The following STXBP5 variants were observed in gnomAD, a reference collection of about 807,000 sequenced individuals.
The protein encoded by STXBP5 is syntaxin-binding protein 5.
A neutral mutation model predicts 152.4 loss-of-function variants in STXBP5; 50 were observed. The observed-to-expected ratio is 0.33, with a 90% confidence interval of 0.26 to 0.42. The LOEUF is 0.42. Among genes scored for constraint, STXBP5 ranks in the 10% least tolerant of loss-of-function variants. The probability of loss-of-function intolerance (pLI) is 1.00; values close to 1 mark genes in which losing one functional copy is unlikely to be tolerated. For synonymous variants in STXBP5, 492 were observed against 494.7 expected, an observed-to-expected ratio of 0.99 and a Z score of 0.07; for missense variants, 1,167 against 1,388.6, an observed-to-expected ratio of 0.84 and a Z score of 2.54.
At chr6:147,311,624 T>A in intron 11 of STXBP5, 97 bp downstream of exon 11, 2 of 894,396 alleles carry the variant, frequency 2.2e-6, no homozygotes, top group Non-Finnish European at 1.7e-6. Flanking sequence ...TTGAAAACTC[T>A]ACATTTATAT....
rs1786464441 is a variant in STXBP5 at position 147,388,931 on chromosome 6, G to A, written c.*4176G>A. The A allele has an allele frequency of 6.6e-6, 1 of 151,358 alleles. No individual in the cohort carries two copies. The highest frequency in any genetic ancestry group is 2.4e-5 in the African/African-American group (1 of 41,348). 9.4% of individuals were successfully genotyped at this position (151,358 alleles called of 1,614,324 possible). A position where few individuals can be genotyped will look rare whatever the true frequency, so the allele number is the denominator to read the frequency against. ...TGTCAATGAAGGTTTTTATTTTGTA[G>A]TTTATAGAATTTGTTCCTTATCAGT... On this transcript the variant is annotated 3_prime_UTR_variant, in exon 28 of 28. Transcript: ENST00000321680.
rs193071957 is a variant in STXBP5 at position 147,362,116 on chromosome 6, A to G, written c.2546-1219A>G. On this transcript the variant is annotated intron_variant, in intron 23 of 27. Transcript: ENST00000321680. ...TTGGGACATACTTATACTAAAAAGT[A>G]TTCATTGTTTATCTGAAATTCAAAT... Among the ~76,000 whole-genome samples the G allele has an allele frequency of 5.9e-5, 9 of 152,308 alleles. No individual in the cohort carries two copies. In the East Asian group the frequency reaches 1.7e-3, roughly 29 times the overall value.
At chr6:147,300,843 A>G (rs1781773519) in intron 9 of STXBP5, among the ~76,000 whole-genome samples, 1 of 152,130 alleles carries the variant, frequency 6.6e-6, no homozygotes, top group Admixed American at 6.6e-5. Flanking sequence ...AGAGCAAAGG[A>G]AACAGTCAAC....
intron 26 of STXBP5, among the ~76,000 whole-genome samples, chr6:147,380,869 A>T (rs980850929): frequency 1.3e-5 from 2 of 152,166 alleles, no homozygotes; most frequent in Non-Finnish European, 2.9e-5. Flanking sequence ...GTATTAGTCT[A>T]TTCTCATGCT....
In STXBP5 at chr6:147,384,836, G is replaced by A. The variant is rs898904209; in HGVS notation, c.*81G>A. On this transcript the variant is annotated 3_prime_UTR_variant, in exon 28 of 28. Transcript: ENST00000321680. ...TATTACATTCTTTAGGAAAGTTAAC[G>A]TTAAAGGGATGTTCGTCACTGAATA... The A allele has an allele frequency of 1.9e-5, 26 of 1,369,812 alleles. No individual in the cohort carries two copies. Among genetic ancestry groups the A allele is most frequent in the Middle Eastern group, 1.8e-4 (1 of 5,500 alleles). 84.9% of individuals were successfully genotyped at this position (1,369,812 alleles called of 1,614,324 possible).
In STXBP5 at chr6:147,327,276, G is replaced by A; in HGVS notation, c.2080G>A (p.Ala694Thr). Residue 694 changes from alanine (A) to threonine (T), a missense_variant and splice_region_variant, in exon 18 of 28, where the codon GCC becomes ACC. Physicochemically the swap from Ala to Thr is moderately conservative, Grantham distance 58. Around this residue, in one of 3 missense-constraint regions of STXBP5, gnomAD observed 833 missense variants for 986.3 expected, o/e 0.84. Transcript: ENST00000321680. The stretch of plus-strand genomic sequence containing the variant: ...TCGTAAATCTCGACAGCCTTCAGGA[G>A]GTAAAAAGAAAAGAAAAGAAAATTC... ...SPRKSRQPSG[A>T]GLCDISEGTV... 6.3e-7 allele frequency: 1 copy of A among 1,593,560 alleles called. No individual in the cohort carries two copies. The highest frequency in any genetic ancestry group is 8.5e-7 in the Non-Finnish European group (1 of 1,174,850).
chr6:147,325,262 C>T (rs562241525), intron 17 of STXBP5, among the ~76,000 whole-genome samples, 178 bp downstream of exon 17: 1 of 152,214 alleles, frequency 6.6e-6, no homozygotes, highest in South Asian at 2.1e-4. Context: ...GAATAACTTA[C>T]TTTGGGTATG....
chr6:147,329,499 T>C lies in STXBP5; in HGVS notation c.2080+2223T>C, dbSNP rs376649907. Among the ~76,000 whole-genome samples, 5 of 150,832 alleles carry C rather than the reference T, an allele frequency of 3.3e-5. No homozygotes were observed. In the South Asian group the frequency reaches 1.0e-3, roughly 31 times the overall value. On this transcript the variant is annotated intron_variant, in intron 18 of 27. Transcript: ENST00000321680. Reference sequence around the variant, plus strand: ...TAAATATTTGAAATAAAATTAAATATAGAATGATTGGTATAAAAATTCTTT... The same window carrying C: ...TAAATATTTGAAATAAAATTAAATACAGAATGATTGGTATAAAAATTCTTT...
chr6:147,383,861 A>G (rs1786215826), intron 27 of STXBP5, among the ~76,000 whole-genome samples: 1 of 151,994 alleles, frequency 6.6e-6, no homozygotes, highest in African/African-American at 2.4e-5. Flanking sequence ...GACCTGGAAG[A>G]TACTTGTCTA....
chr6:147,222,645 G>A (rs1315519775), intron 2 of STXBP5, among the ~76,000 whole-genome samples: 4 of 152,174 alleles, frequency 2.6e-5, no homozygotes, highest in Admixed American at 6.5e-5. Context: ...TTAGGCTCTC[G>A]TAAAAGTGTT....
intron 21 of STXBP5, among the ~76,000 whole-genome samples, chr6:147,348,970 CTA>C (rs1291299165): frequency 6.6e-6 from 1 of 152,176 alleles, no homozygotes; most frequent in East Asian, 1.9e-4. Context: ...TTGCTTCTGA[CTA>C]TGGGCATTAA....
intron 18 of STXBP5, among the ~76,000 whole-genome samples, chr6:147,330,024 T>C (rs1427134920): frequency 6.6e-6 from 1 of 152,184 alleles, no homozygotes; most frequent in Non-Finnish European, 1.5e-5. Context: ...TTCACATGAA[T>C]TTTAAGACAA....
intron 18 of STXBP5, among the ~76,000 whole-genome samples, chr6:147,330,034 A>G (rs918350207): frequency 6.6e-6 from 1 of 152,160 alleles, no homozygotes; most frequent in Non-Finnish European, 1.5e-5. Flanking sequence ...TTTTAAGACA[A>G]AACTGTTTAG....
intron 9 of STXBP5, chr6:147,292,323 G>A (rs908508404): frequency 4.3e-5 from 19 of 437,402 alleles, no homozygotes; most frequent in Admixed American, 2.3e-4. Context: ...AACTCTAAGA[G>A]GTGTATCATC....
At chr6:147,353,172 A>T in intron 21 of STXBP5, 151 bp from the exon 22 acceptor site, 1 of 503,772 alleles carries the variant, frequency 2.0e-6, no homozygotes, top group East Asian at 3.6e-5. Context: ...AGTTGAAAGG[A>T]TTTACTTTCC....
intron 9 of STXBP5, among the ~76,000 whole-genome samples, chr6:147,301,319 C>G (rs1385113259): frequency 6.6e-6 from 1 of 152,110 alleles, no homozygotes; most frequent in East Asian, 1.9e-4. Flanking sequence ...GAAATGAAAT[C>G]AGTATGTTGA....
intron 2 of STXBP5, among the ~76,000 whole-genome samples, chr6:147,233,653 C>CTGGGTAG (rs1778123275): frequency 6.6e-6 from 1 of 151,618 alleles, no homozygotes; most frequent in Non-Finnish European, 1.5e-5. Flanking sequence ...GAATTAGACT[C>CTGGGTAG]ACTATACTGG....
chr6:147,339,338 G>A lies in STXBP5; in HGVS notation c.2208G>A (p.Val736=). ...TTTATATCAAAATATTGTTTTCAGTGAAGACCAAAAGCAGAAAGTTTTCCA... is the reference window on the plus strand; with the variant it reads ...TTTATATCAAAATATTGTTTTCAGTAAAGACCAAAAGCAGAAAGTTTTCCA... ...EQKMNNFIEK[V]KTKSRKFSKM... is the part of the protein sequence containing the mutation. The change falls in exon 21 of 28, where the codon GTG becomes GTA. Residue 736 remains valine, a splice_region_variant and synonymous_variant. Coordinates refer to ENST00000321680, the MANE Select transcript of STXBP5 (RefSeq NM_001127715.4). 1.3e-6 allele frequency: 2 copies of A among 1,508,244 alleles called. No individual in the cohort carries two copies. Among genetic ancestry groups the A allele is most frequent in the Non-Finnish European group, 1.8e-6 (2 of 1,134,564 alleles). The allele number at this position is 1,508,244 out of a possible 1,614,324, so 93.4% of individuals were successfully genotyped here. A position where few individuals can be genotyped will look rare whatever the true frequency, so the allele number is the denominator to read the frequency against.
chr6:147,331,116 G>A (rs1224637597), intron 18 of STXBP5, among the ~76,000 whole-genome samples: 1 of 152,134 alleles, frequency 6.6e-6, no homozygotes, highest in Non-Finnish European at 1.5e-5. Flanking sequence ...GATGTATTGT[G>A]TTGAATAACA....
Sources: allele counts gnomAD v4.1 joint callset (sites outside exome capture counted in the v4.1 genomes callset), GRCh38; gene constraint gnomAD v4.1.1; regional missense constraint gnomAD v4.1.1; transcripts MANE v1.5; gene names NCBI Gene and HGNC (gene_info 2026-07-23, HGNC 2026-07-21).